Variants in CECR2 observed in about 807,000 individuals in gnomAD.
CECR2 encodes CECR2 histone acetyl-lysine reader.
In CECR2, 30 loss-of-function variants were observed where a neutral mutation model predicts 154.5. The ratio of observed to expected loss-of-function variants is 0.19; its 90% CI spans 0.15 to 0.26. CECR2 has a LOEUF of 0.26. Ranked by LOEUF, CECR2 falls within the 10% of genes least tolerant of loss-of-function variation. The probability of loss-of-function intolerance (pLI) is 1.00; values close to 1 mark genes in which losing one functional copy is unlikely to be tolerated. For missense variants in CECR2, 1,743 were observed against 1,829.3 expected (o/e 0.95, Z 0.86); for synonymous variants, 725 against 683.7 (o/e 1.06, Z -0.94).
chr22:17,540,657 C>T lies in CECR2; in HGVS notation c.1741C>T (p.Arg581Cys), dbSNP rs767796133. 1.4e-5 allele frequency: 22 copies of T among 1,613,910 alleles called. No individual in the cohort carries two copies. Among genetic ancestry groups the T allele is most frequent in the Non-Finnish European group, 1.5e-5 (18 of 1,179,868 alleles). ...TGGAGGAAAGTCGTTGCCCCCCACA[C>T]GCCGAGCGCCCTCTTCTGGGGACGA... The part of the protein sequence containing the change: ...ENGGKSLPPT[R>C]RAPSSGDDQS... Residue 581 changes from arginine (R) to cysteine (C), a missense_variant, in exon 14 of 19, where the codon CGC becomes TGC. Arg to Cys is a radical substitution (Grantham distance 180). Coordinates refer to ENST00000262608, the MANE Select transcript of CECR2 (RefSeq NM_001290047.2).
chr22:17,480,231 C>A (rs1480595287), intron 2 of CECR2, among the ~76,000 whole-genome samples: 3 of 151,970 alleles, frequency 2.0e-5, no homozygotes, highest in African/African-American at 7.3e-5. Flanking sequence ...GCTGTATTAT[C>A]CATTGTTAAG....
At chr22:17,508,065 C>T (rs139080837) in intron 7 of CECR2, among the ~76,000 whole-genome samples, 534 of 152,284 alleles carry the variant, frequency 3.5e-3, no homozygotes, top group Non-Finnish European at 5.2e-3. Flanking sequence ...ATTAAACATA[C>T]TCTCCTCATT....
At chr22:17,460,633 CATTTT>C (rs1368102626) in intron 1 of CECR2, among the ~76,000 whole-genome samples, 1 of 152,204 alleles carries the variant, frequency 6.6e-6, no homozygotes, top group Non-Finnish European at 1.5e-5. Context: ...CTTCCCCTCT[CATTTT>C]AGTTCAGACC....
intron 1 of CECR2, among the ~76,000 whole-genome samples, chr22:17,401,045 G>T (rs1359216479): frequency 2.0e-5 from 3 of 152,092 alleles, no homozygotes; most frequent in Non-Finnish European, 4.4e-5. Flanking sequence ...GGGATTACAG[G>T]TGTGAGCCAC....
At chr22:17,502,294 T>A (rs2146887850) in intron 5 of CECR2, among the ~76,000 whole-genome samples, 1 of 152,294 alleles carries the variant, frequency 6.6e-6, no homozygotes, top group Non-Finnish European at 1.5e-5. Context: ...CTCTTAACCC[T>A]CTGCCTTAGG....
chr22:17,527,673 A>G (rs947572049), intron 9 of CECR2, among the ~76,000 whole-genome samples: 4 of 151,878 alleles, frequency 2.6e-5, no homozygotes, highest in Admixed American at 1.3e-4. Context: ...AGGCTGAGGC[A>G]GGAGAATTGC....
chr22:17,386,169 A>T (rs886450017), intron 1 of CECR2, among the ~76,000 whole-genome samples: 1 of 152,154 alleles, frequency 6.6e-6, no homozygotes, highest in Non-Finnish European at 1.5e-5. Flanking sequence ...AGTATTAGGA[A>T]AATGACAACG....
chr22:17,525,323 A>C (rs1385125172), intron 9 of CECR2, among the ~76,000 whole-genome samples: 3 of 138,318 alleles, frequency 2.2e-5, no homozygotes, highest in Non-Finnish European at 3.1e-5. Flanking sequence ...AAAGAAAGGA[A>C]GGGAGGGAGG....
intron 2 of CECR2, among the ~76,000 whole-genome samples, chr22:17,480,080 A>G (rs538924747): frequency 6.6e-6 from 1 of 152,244 alleles, no homozygotes; most frequent in South Asian, 2.1e-4. Context: ...TTTATTAAAT[A>G]ATAGAATACC....
chr22:17,445,813 G>C (rs1019519748), intron 1 of CECR2, among the ~76,000 whole-genome samples: 5 of 151,872 alleles, frequency 3.3e-5, no homozygotes, highest in African/African-American at 1.2e-4. Context: ...GGCTGGTCTC[G>C]AACTCCTGAC....
chr22:17,470,002 T>A (rs2055097865), intron 1 of CECR2, among the ~76,000 whole-genome samples: 1 of 152,188 alleles, frequency 6.6e-6, no homozygotes, highest in Non-Finnish European at 1.5e-5. Context: ...GCCTGGCACA[T>A]AGTATGCCTT....
At chr22:17,486,711 C>T (rs958904935) in intron 2 of CECR2, among the ~76,000 whole-genome samples, 2 of 152,134 alleles carry the variant, frequency 1.3e-5, no homozygotes, top group Admixed American at 1.3e-4. Flanking sequence ...CAAGGAGAAC[C>T]AAATAAGGAT....
At position 17,549,327 on chromosome 22, in the gene CECR2, C is replaced by T; in HGVS notation, c.4040C>T (p.Pro1347Leu). Residue 1347 changes from proline (P) to leucine (L), a missense_variant, in exon 17 of 19, where the codon CCT becomes CTT. Physicochemically the swap from Pro to Leu is moderately conservative, Grantham distance 98 (BLOSUM62 -3). Around this residue, in one of 4 missense-constraint regions of CECR2, gnomAD observed 1,250 missense variants for 1,192.1 expected, o/e 1.05. Transcript: ENST00000262608. ...PPHSVMLQTG[P>L]PYTPQRPASH... The stretch of plus-strand genomic sequence containing the variant: ...CACAGTGTGATGCTGCAGACGGGGC[C>T]TCCCTATACCCCTCAGCGGCCGGCC... 1.2e-6 allele frequency: 2 copies of T among 1,613,982 alleles called. No homozygotes were observed. Among genetic ancestry groups the T allele is most frequent in the Non-Finnish European group, 1.7e-6 (2 of 1,179,894 alleles).
At chr22:17,386,655 CTTTT>C (rs199708695) in intron 1 of CECR2, among the ~76,000 whole-genome samples, 2 of 139,900 alleles carry the variant, frequency 1.4e-5, no homozygotes. Context: ...AGAAATGTGC[CTTTT>C]TTTTTTTTTT....
intron 2 of CECR2, among the ~76,000 whole-genome samples, chr22:17,482,796 T>G (rs1293424223): frequency 7.0e-6 from 1 of 143,784 alleles, no homozygotes; most frequent in East Asian, 2.1e-4. Context: ...GTGTCCTGCC[T>G]CAGCCTCCCC....
rs1208377079 is a variant in CECR2, at chr22:17,548,262, A to G, written c.2975A>G (p.Gln992Arg). The change falls in exon 17 of 19, where the codon CAG (glutamine) becomes CGG (arginine). Residue 992 changes from glutamine (Q) to arginine (R), a missense_variant. Gln to Arg is a conservative substitution (Grantham distance 43). Coordinates refer to ENST00000262608, the MANE Select transcript of CECR2 (RefSeq NM_001290047.2). Reference sequence around the variant, plus strand: ...CCCCTGCAGACTGACTGCACCAGGCAGAGCTCACCACAAGAAAGGGAAACA... The same window carrying G: ...CCCCTGCAGACTGACTGCACCAGGCGGAGCTCACCACAAGAAAGGGAAACA... ...TPPLQTDCTR[Q>R]SSPQERETVG... 6.2e-7 allele frequency: 1 copy of G among 1,605,602 alleles called. No homozygotes were observed. The highest frequency in any genetic ancestry group is 1.7e-5 in the Admixed American group (1 of 58,882).
chr22:17,479,765 C>CTTTTT lies in CECR2; in HGVS notation c.221+2099_221+2103dup, dbSNP rs571664926. Among the ~76,000 whole-genome samples, 178 of 117,052 alleles carry CTTTTT rather than the reference C, an allele frequency of 1.5e-3. 1 individual carries two copies. Among genetic ancestry groups the CTTTTT allele is most frequent in the African/African-American group, 5.4e-3 (168 of 30,926 alleles). 76.8% of individuals were successfully genotyped at this position (117,052 alleles called of 152,430 possible). The stretch of plus-strand genomic sequence containing the variant: ...TTGACATCCCTACAATGTGGTCTTT[C>CTTTTT]TTTTTTTTTTTTTTTTTTTTGGGAC... On this transcript the variant is annotated intron_variant, in intron 2 of 18. Coordinates refer to ENST00000262608, the MANE Select transcript of CECR2 (RefSeq NM_001290047.2).
At chr22:17,519,905 C>T (rs1384899517) in intron 8 of CECR2, among the ~76,000 whole-genome samples, 1 of 151,908 alleles carries the variant, frequency 6.6e-6, no homozygotes, top group Non-Finnish European at 1.5e-5. Flanking sequence ...ATTTTCCTGC[C>T]TCAGCCCCCC....
At chr22:17,366,608 C>A (rs1034552910), upstream of CECR2, among the ~76,000 whole-genome samples, 1 of 152,066 alleles carries the variant, frequency 6.6e-6, no homozygotes, top group African/African-American at 2.4e-5. Flanking sequence ...GAGTGGCCAG[C>A]CTATTGGTAG....
Sources: gnomAD v4.1 joint callset for allele counts (sites outside exome capture counted in the v4.1 genomes callset) on GRCh38, gnomAD v4.1.1 for gene constraint, gnomAD v4.1.1 regional missense constraint, MANE v1.5 for transcripts, NCBI Gene and HGNC (gene_info 2026-07-23, HGNC 2026-07-21) for gene names.